TIE1: variants seen among roughly 807,000 people sequenced by gnomAD.
The protein encoded by TIE1 is tyrosine-protein kinase receptor Tie-1.
Under a neutral mutation model 130.5 loss-of-function variants are expected in TIE1, and 89 were observed. The observed-to-expected ratio is 0.68, with a 90% confidence interval of 0.57 to 0.81. TIE1 has a LOEUF of 0.81. Among genes scored for constraint, TIE1 ranks in the 40% least tolerant of loss-of-function variants. The probability of loss-of-function intolerance (pLI) is 0.00; values close to 1 mark genes in which losing one functional copy is unlikely to be tolerated. For synonymous variants in TIE1, 568 were observed against 629.4 expected, an observed-to-expected ratio of 0.90 and a Z score of 1.46; for missense variants, 1,392 against 1,559.8, an observed-to-expected ratio of 0.89 and a Z score of 1.81.
rs748480945 is a variant in TIE1, at chr1:43,312,415, C to T, written c.1741C>T (p.Leu581=). 11 of 1,610,030 alleles carry T rather than the reference C, an allele frequency of 6.8e-6. No homozygotes were observed. Among genetic ancestry groups the T allele is most frequent in the Middle Eastern group, 1.6e-4 (1 of 6,074 alleles). Residue 581 remains leucine (L), a synonymous_variant, in exon 12 of 23, where the codon CTG becomes TTG. Transcript: ENST00000372476. The surrounding 1 kb of genome is among the most constrained non-coding windows in gnomAD (Gnocchi z 5.6). ...CGGGCCACTGGTGGGCGACGGTTTC[C>T]TGCTGCGCCTGTGGGACGGGACACG... ...VPGPLVGDGF[L]LRLWDGTRGQ...
At position 43,321,407 on chromosome 1, in the gene TIE1, T is replaced by C; in HGVS notation, c.3160T>C (p.Tyr1054His). ...GTCCCCTCCTGCAGGAGGTACACCC[T>C]ACTGTGGCATGACCTGTGCCGAGCT... ...WEIVSLGGTP[Y>H]CGMTCAELYE... Residue 1054 changes from tyrosine to histidine, a missense_variant, in exon 21 of 23, where the codon TAC (tyrosine) becomes CAC (histidine). This residue lies in a region of TIE1 where 104 missense variants were observed against 129.3 expected (regional missense o/e 0.80). Coordinates refer to ENST00000372476, the MANE Select transcript of TIE1 (RefSeq NM_005424.5). 1 of 1,614,002 alleles carries C rather than the reference T, an allele frequency of 6.2e-7. No individual in the cohort carries two copies. The highest frequency in any genetic ancestry group is 8.5e-7 in the Non-Finnish European group (1 of 1,179,950).
chr1:43,321,116 T>G (rs995105819), intron 19 of TIE1, among the ~76,000 whole-genome samples, 153 bp from the exon 20 acceptor site: 1 of 151,430 alleles, frequency 6.6e-6, no homozygotes, highest in African/African-American at 2.4e-5. Flanking sequence ...AGGAGCTTCA[T>G]TGGCGCAGAG....
Position 43,306,925 on chromosome 1 carries a change from C to G in TIE1, c.570C>G (p.Ser190Arg). ...TCCCAAATGTGCAGCCACCATCGAGCGGCATCTACAGTGCCACTTACCTGG... is the reference window on the plus strand; with the variant it reads ...TCCCAAATGTGCAGCCACCATCGAGGGGCATCTACAGTGCCACTTACCTGG... ...LQLPNVQPPSSGIYSATYLEA... is the reference protein window; with the variant it reads ...LQLPNVQPPSRGIYSATYLEA... The change falls in exon 4 of 23, where the codon AGC (serine) becomes AGG (arginine). Residue 190 changes from serine to arginine, a missense_variant. Coordinates refer to ENST00000372476, the MANE Select transcript of TIE1 (RefSeq NM_005424.5). The surrounding 1 kb of genome is among the most constrained non-coding windows in gnomAD (Gnocchi z 4.9). 2 of 1,614,002 alleles carry G rather than the reference C, an allele frequency of 1.2e-6. No homozygotes were observed. The highest frequency in any genetic ancestry group is 1.7e-5 in the Admixed American group (1 of 60,030).
chr1:43,317,103 C>G lies in TIE1; in HGVS notation c.2410-96C>G. 7.5e-7 allele frequency: 1 copy of G among 1,329,306 alleles called. No individual in the cohort carries two copies. Among genetic ancestry groups the G allele is most frequent in the Non-Finnish European group, 1.1e-6 (1 of 930,270 alleles). The allele number at this position is 1,329,306 out of a possible 1,614,324, so 82.3% of individuals were successfully genotyped here. The stretch of plus-strand genomic sequence containing the variant: ...TCCATCTGGGTCTCTGCCCACTTGT[C>G]TGACACTGAAACCTCCTCGTGTGCC... On this transcript the variant is annotated intron_variant, in intron 14 of 22. Coordinates refer to ENST00000372476, the MANE Select transcript of TIE1 (RefSeq NM_005424.5). The surrounding 1 kb of genome is among the most constrained non-coding windows in gnomAD (Gnocchi z 5.1).
Position 43,319,567 on chromosome 1 carries a change from C to A in TIE1, c.3107+38C>A. ...TGAGAGGGCACAGGAGGGCTTGGCC[C>A]CCAAGAATCACCCAGGCCTGACCTA... On this transcript the variant is annotated intron_variant, in intron 19 of 22. Coordinates refer to ENST00000372476, the MANE Select transcript of TIE1 (RefSeq NM_005424.5). The surrounding 1 kb of genome is among the most constrained non-coding windows in gnomAD (Gnocchi z 4.7). The A allele has an allele frequency of 6.2e-7, 1 of 1,601,256 alleles. No homozygotes were observed.
In TIE1 at chr1:43,306,095, G is replaced by A. The variant is rs1346211423; in HGVS notation, c.485-745G>A. 5.3e-5 allele frequency among the ~76,000 whole-genome samples: 8 copies of A among 152,216 alleles called. No individual in the cohort carries two copies. Among genetic ancestry groups the A allele is most frequent in the South Asian group, 2.1e-4 (1 of 4,830 alleles). Reference sequence around the variant, plus strand: ...AGCCCTGAGCAAAGAGGCAAGAAGCGGGTGGGGCAGCGACTGGAGCACTCT... The same window carrying A: ...AGCCCTGAGCAAAGAGGCAAGAAGCAGGTGGGGCAGCGACTGGAGCACTCT... On this transcript the variant is annotated intron_variant, in intron 3 of 22. Transcript: ENST00000372476. The surrounding 1 kb of genome is among the most constrained non-coding windows in gnomAD (Gnocchi z 4.9).
At chr1:43,308,860 C>G in intron 7 of TIE1, 126 bp from the exon 8 acceptor site, 1 of 1,346,834 alleles carries the variant, frequency 7.4e-7, no homozygotes, top group East Asian at 2.4e-5. Flanking sequence ...CGGGCCTTTG[C>G]TGGTTTTCAG....
intron 1 of TIE1, among the ~76,000 whole-genome samples, chr1:43,301,494 A>AG (rs1427539641): frequency 6.6e-6 from 1 of 152,110 alleles, no homozygotes; most frequent in East Asian, 1.9e-4. Flanking sequence ...AAAAAAAAAA[A>AG]AAAGGATGGA....
chr1:43,303,884 G>A (rs944239347), intron 1 of TIE1, among the ~76,000 whole-genome samples: 2 of 152,106 alleles, frequency 1.3e-5, no homozygotes, highest in South Asian at 2.1e-4. Flanking sequence ...AGCTCCCCCA[G>A]GCTGGAGCAG....
chr1:43,305,089 C>T lies in TIE1; in HGVS notation c.297C>T (p.Leu99=), dbSNP rs780427692. 6.2e-6 allele frequency: 10 copies of T among 1,612,626 alleles called. No individual in the cohort carries two copies. The highest frequency in any genetic ancestry group is 2.7e-5 in the African/African-American group (2 of 74,922). ...TLRGFSKPSD[L]VGVFSCVGGA... is the part of the protein sequence containing the mutation. Reference sequence around the variant, plus strand: ...GCGGCTTCTCCAAGCCCTCGGACCTCGTGGGCGTCTTCTCCTGCGTGGGCG... The same window carrying T: ...GCGGCTTCTCCAAGCCCTCGGACCTTGTGGGCGTCTTCTCCTGCGTGGGCG... The change falls in exon 2 of 23, where the codon CTC becomes CTT. Residue 99 remains leucine, a synonymous_variant. Transcript: ENST00000372476.
At position 43,316,477 on chromosome 1, in the gene TIE1, T is replaced by C. The variant is rs1404868479; in HGVS notation, c.2410-722T>C. 6.6e-6 allele frequency among the ~76,000 whole-genome samples: 1 copy of C among 152,228 alleles called. No homozygotes were observed. Among genetic ancestry groups the C allele is most frequent in the African/African-American group, 2.4e-5 (1 of 41,452 alleles). On this transcript the variant is annotated intron_variant, in intron 14 of 22. Coordinates refer to ENST00000372476, the MANE Select transcript of TIE1 (RefSeq NM_005424.5). The surrounding 1 kb of genome is among the most constrained non-coding windows in gnomAD (Gnocchi z 4.4). ...CTTTGGTCCTGTTCACTTATTTCCT[T>C]TTCCCACCATCAGCCCCACCCAGAT...
Position 43,313,712 on chromosome 1 carries a change from C to T in TIE1, c.2219-66C>T. 1.3e-6 allele frequency: 2 copies of T among 1,502,768 alleles called. No individual in the cohort carries two copies. The highest frequency in any genetic ancestry group is 1.8e-6 in the Non-Finnish European group (2 of 1,114,172). The allele number at this position is 1,502,768 out of a possible 1,614,324, so 93.1% of individuals were successfully genotyped here. On this transcript the variant is annotated intron_variant, in intron 13 of 22. Coordinates refer to ENST00000372476, the MANE Select transcript of TIE1 (RefSeq NM_005424.5). The surrounding 1 kb of genome is among the most constrained non-coding windows in gnomAD (Gnocchi z 6.2). The stretch of plus-strand genomic sequence containing the variant: ...TCTTTCACCTCTCCCTCTGTGTAAC[C>T]CCATGGTGGCCTCTGGGTTCCCTGA...
Position 43,312,295 on chromosome 1 carries a change from C to T in TIE1, c.1631-10C>T, listed in dbSNP as rs1646805027. 2 of 1,541,862 alleles carry T rather than the reference C, an allele frequency of 1.3e-6. No individual in the cohort carries two copies. The highest frequency in any genetic ancestry group is 1.4e-5 in the African/African-American group (1 of 73,336). Reference sequence around the variant, plus strand: ...ACTGGACAGTTCTGACCCCTGACCTCTGGCCCCAGAGCCTTTGTTGCAGCC... The same window carrying T: ...ACTGGACAGTTCTGACCCCTGACCTTTGGCCCCAGAGCCTTTGTTGCAGCC... On this transcript the variant is annotated splice_polypyrimidine_tract_variant and intron_variant, in intron 11 of 22. Coordinates refer to ENST00000372476, the MANE Select transcript of TIE1 (RefSeq NM_005424.5). The surrounding 1 kb of genome is among the most constrained non-coding windows in gnomAD (Gnocchi z 5.6).
chr1:43,304,638 C>T (rs1333154301), intron 1 of TIE1, among the ~76,000 whole-genome samples: 1 of 151,150 alleles, frequency 6.6e-6, no homozygotes, highest in Non-Finnish European at 1.5e-5. Flanking sequence ...GAGGCCAGTG[C>T]GCATGGAAGG....
rs138876276 is a variant in TIE1 at position 43,314,053 on chromosome 1, T to TTGTGTGTG, written c.2409+101_2409+108dup. On this transcript the variant is annotated intron_variant, in intron 14 of 22. Coordinates refer to ENST00000372476, the MANE Select transcript of TIE1 (RefSeq NM_005424.5). ...GTGTACACACAATACCTTGTACACC[T>TTGTGTGTG]TGTGTGTGTGTGTGTGTGTGTGTTT... The TTGTGTGTG allele has an allele frequency of 6.6e-4, 823 of 1,243,632 alleles. No individual in the cohort carries two copies. In the East Asian group the frequency reaches 0.015, roughly 23 times the overall value. 77.0% of individuals were successfully genotyped at this position (1,243,632 alleles called of 1,614,324 possible).
Position 43,309,078 on chromosome 1 carries a change from T to G in TIE1, c.1135T>G (p.Phe379Val), listed in dbSNP as rs778501065. 6.2e-7 allele frequency: 1 copy of G among 1,613,800 alleles called. No individual in the cohort carries two copies. The highest frequency in any genetic ancestry group is 1.1e-5 in the South Asian group (1 of 91,046). ...CAACTGTGCAGCTGCAGGGAACCCCTTCCCCGTGCGGGGCAGCATAGAGCT... is the reference window on the plus strand; with the variant it reads ...CAACTGTGCAGCTGCAGGGAACCCCGTCCCCGTGCGGGGCAGCATAGAGCT... The part of the protein sequence containing the change: ...RINCAAAGNP[F>V]PVRGSIELRK... The change falls in exon 8 of 23, where the codon TTC (phenylalanine) becomes GTC (valine). Residue 379 changes from phenylalanine (F) to valine (V), a missense_variant. This residue lies in a region of TIE1 where 551 missense variants were observed against 565.5 expected (regional missense o/e 0.97). Transcript: ENST00000372476. The surrounding 1 kb of genome is among the most constrained non-coding windows in gnomAD (Gnocchi z 6.3).
rs746492856 is a variant in TIE1, at chr1:43,313,263, G to T, written c.2056G>T (p.Gly686Cys). The change falls in exon 13 of 23, where the codon GGT becomes TGT. Residue 686 changes from glycine (G) to cysteine (C), a missense_variant. This residue lies in a region of TIE1 where 551 missense variants were observed against 565.5 expected (regional missense o/e 0.97). Coordinates refer to ENST00000372476, the MANE Select transcript of TIE1 (RefSeq NM_005424.5). This position sits in a 1 kb window ranked among gnomAD's most constrained non-coding sequence, Gnocchi z 6.2. ...CGTTGTGGAGGTGCAGGTGGCTGGG[G>T]GTGCAGGAGACCCACTGTGGATAGA... The part of the protein sequence containing the change: ...KYVVEVQVAG[G>C]AGDPLWIDVD... 3 of 1,613,936 alleles carry T rather than the reference G, an allele frequency of 1.9e-6. No homozygotes were observed. The highest frequency in any genetic ancestry group is 2.5e-6 in the Non-Finnish European group (3 of 1,179,954).
At chr1:43,305,445 C>A in intron 3 of TIE1, 102 bp downstream of exon 3, 2 of 1,112,792 alleles carry the variant, frequency 1.8e-6, no homozygotes, top group Non-Finnish European at 2.5e-6. Flanking sequence ...CCCTGACACA[C>A]CCGACCTCCA....
At chr1:43,308,412 T>C (rs1293653985) in intron 7 of TIE1, among the ~76,000 whole-genome samples, 4 of 148,282 alleles carry the variant, frequency 2.7e-5, no homozygotes, top group South Asian at 2.1e-4. Context: ...GACCCAGGGA[T>C]TGGGGACTCA....
Sources: allele counts gnomAD v4.1 joint callset (sites outside exome capture counted in the v4.1 genomes callset), GRCh38; gene constraint gnomAD v4.1.1; regional missense constraint gnomAD v4.1.1; non-coding constraint Gnocchi (gnomAD v3.1); transcripts MANE v1.5; gene names NCBI Gene and HGNC (gene_info 2026-07-23, HGNC 2026-07-21).